CAMTA1: variants seen among roughly 807,000 people sequenced by gnomAD.
The protein encoded by CAMTA1 is calmodulin-binding transcription activator 1.
CAMTA1 carries 27 observed loss-of-function variants against 170.9 expected under a neutral mutation model. The observed-to-expected ratio is 0.16, with a 90% confidence interval of 0.12 to 0.22. The LOEUF is 0.22. Ranked by LOEUF, CAMTA1 falls within the 10% of genes least tolerant of loss-of-function variation. CAMTA1 has a pLI of 1.00. For missense variants in CAMTA1, 1,619 were observed against 2,217.2 expected, an observed-to-expected ratio of 0.73 and a Z score of 5.42; for synonymous variants, 833 against 891.5, an observed-to-expected ratio of 0.93 and a Z score of 1.17.
chr1:7,443,706 G>A lies in CAMTA1; in HGVS notation c.439-24124G>A, dbSNP rs1267028618. On this transcript the variant is annotated intron_variant, in intron 5 of 22. Transcript: ENST00000303635. The surrounding 1 kb of genome is among the most constrained non-coding windows in gnomAD (Gnocchi z 4.1). ...GCATTCTGGGTGAGCTGATGCCAGA[G>A]GTGGGTTTTGTAGATGTGGAGGTTT... 2.0e-5 allele frequency among the ~76,000 whole-genome samples: 3 copies of A among 152,188 alleles called. No individual in the cohort carries two copies. The highest frequency in any genetic ancestry group is 4.4e-5 in the Non-Finnish European group (3 of 68,032).
intron 6 of CAMTA1, among the ~76,000 whole-genome samples, chr1:7,506,564 A>G (rs1363603550): frequency 6.6e-6 from 1 of 152,050 alleles, no homozygotes; most frequent in Non-Finnish European, 1.5e-5. Flanking sequence ...TCACAAGCTC[A>G]CTCAAAATTC....
intron 3 of CAMTA1, among the ~76,000 whole-genome samples, chr1:6,848,731 CAGATGAT>C (rs1659255165): frequency 6.6e-6 from 1 of 152,134 alleles, no homozygotes; most frequent in Non-Finnish European, 1.5e-5. Context: ...ATTAAACTGA[CAGATGAT>C]AGATTAGCAA....
chr1:7,246,470 G>C (rs1227873448), intron 4 of CAMTA1, among the ~76,000 whole-genome samples: 2 of 152,058 alleles, frequency 1.3e-5, no homozygotes, highest in Non-Finnish European at 2.9e-5. Context: ...TGAAGCTTCT[G>C]TTATCCTGTC....
chr1:7,418,257 G>A (rs530214579), intron 5 of CAMTA1, among the ~76,000 whole-genome samples: 2 of 152,172 alleles, frequency 1.3e-5, no homozygotes, highest in Non-Finnish European at 2.9e-5. Context: ...GTGCAGTGGT[G>A]CAATCTCGGC....
intron 5 of CAMTA1, among the ~76,000 whole-genome samples, chr1:7,276,168 A>G (rs1670555590): frequency 6.9e-6 from 1 of 145,686 alleles, no homozygotes; most frequent in African/African-American, 2.6e-5. Context: ...AGAAAAAGAT[A>G]TAATTCCATA....
At chr1:7,569,220 C>T (rs1272459150) in intron 6 of CAMTA1, among the ~76,000 whole-genome samples, 1 of 150,262 alleles carries the variant, frequency 6.7e-6, no homozygotes, top group African/African-American at 2.5e-5. Flanking sequence ...TTACCACCAT[C>T]ATCCATCATC....
At position 7,741,939 on chromosome 1, in the gene CAMTA1, G is replaced by A. The variant is rs540987051; in HGVS notation, c.4183-2896G>A. Among the ~76,000 whole-genome samples the A allele has an allele frequency of 1.3e-3, 142 of 105,276 alleles. 1 individual carries two copies. The highest frequency in any genetic ancestry group is 4.2e-3 in the African/African-American group (132 of 31,754). The allele number at this position is 105,276 out of a possible 152,430, so 69.1% of individuals were successfully genotyped here. A position where few individuals can be genotyped will look rare whatever the true frequency, so the allele number is the denominator to read the frequency against. ...GGTGTGAGCCACCATGCCCGGCCTCGGGTTGTTTTTTTTTTTTTTTTTAAA... is the reference window on the plus strand; with the variant it reads ...GGTGTGAGCCACCATGCCCGGCCTCAGGTTGTTTTTTTTTTTTTTTTTAAA... On this transcript the variant is annotated intron_variant, in intron 16 of 22. Transcript: ENST00000303635.
At chr1:6,871,741 C>G (rs1571211524) in intron 3 of CAMTA1, 1 of 1,532,288 alleles carries the variant, frequency 6.5e-7, no homozygotes, top group East Asian at 2.5e-5. Context: ...CTTACTGGAG[C>G]TCCTTTGTTT....
intron 7 of CAMTA1, among the ~76,000 whole-genome samples, chr1:7,654,967 C>A (rs199878357): frequency 6.7e-6 from 1 of 149,808 alleles, no homozygotes; most frequent in African/African-American, 2.5e-5. Flanking sequence ...AACACACCCA[C>A]CTATACACAC....
intron 4 of CAMTA1, among the ~76,000 whole-genome samples, chr1:7,187,147 G>A (rs1315573622): frequency 1.3e-5 from 2 of 152,040 alleles, no homozygotes; most frequent in Admixed American, 6.6e-5. Context: ...GGGTGGGTGC[G>A]GGGGCATTTG....
chr1:7,109,936 ATCT>A (rs1643910979), intron 4 of CAMTA1, among the ~76,000 whole-genome samples: 5 of 152,322 alleles, frequency 3.3e-5, no homozygotes, highest in Non-Finnish European at 1.5e-5. Context: ...TTAGCCCCAC[ATCT>A]TCTGTTTGGT....
At chr1:6,790,114 C>G (rs753543128) in intron 1 of CAMTA1, among the ~76,000 whole-genome samples, 12 of 152,180 alleles carry the variant, frequency 7.9e-5, no homozygotes, top group Admixed American at 1.3e-4. Flanking sequence ...CAGGCGCAAG[C>G]TGCCACGCCT....
intron 6 of CAMTA1, among the ~76,000 whole-genome samples, chr1:7,529,257 T>C (rs951774706): frequency 2.6e-5 from 4 of 152,142 alleles, no homozygotes; most frequent in Non-Finnish European, 5.9e-5. Flanking sequence ...GCAGGCTTGC[T>C]CAAGGTCCCT....
intron 5 of CAMTA1, among the ~76,000 whole-genome samples, chr1:7,327,214 A>T (rs2082737388): frequency 1.3e-5 from 2 of 151,854 alleles, no homozygotes; most frequent in African/African-American, 4.8e-5. Context: ...CAGGAGATCG[A>T]GACCACGGTG....
chr1:6,917,577 C>T (rs1026670487), intron 3 of CAMTA1, among the ~76,000 whole-genome samples: 4 of 151,752 alleles, frequency 2.6e-5, no homozygotes, highest in Admixed American at 6.6e-5. Context: ...GGAAGGGAGG[C>T]GTTAAGGACA....
chr1:7,545,740 A>T (rs139248505), intron 6 of CAMTA1, among the ~76,000 whole-genome samples: 1 of 152,154 alleles, frequency 6.6e-6, no homozygotes, highest in East Asian at 1.9e-4. Flanking sequence ...GGTTTGTTAC[A>T]TAGGTAGACA....
chr1:7,573,011 C>T (rs547307705), intron 6 of CAMTA1, among the ~76,000 whole-genome samples: 2 of 152,352 alleles, frequency 1.3e-5, no homozygotes, highest in Admixed American at 6.5e-5. Context: ...TATGCCTGGC[C>T]TGTGTTCTAC....
Position 7,663,924 on chromosome 1 carries a change from C to T in CAMTA1, c.1377C>T (p.Asn459=), listed in dbSNP as rs146944529. ...SSESLSMLPT[N]VSEELVLSTT... ...AGAGCCTGTCCATGCTGCCCACCAA[C>T]GTGTCCGAAGAGCTGGTCCTCTCCA... Residue 459 remains asparagine, a synonymous_variant, in exon 9 of 23, where the codon AAC becomes AAT. Coordinates refer to ENST00000303635, the MANE Select transcript of CAMTA1 (RefSeq NM_015215.4). 420 of 1,613,916 alleles carry T rather than the reference C, an allele frequency of 2.6e-4. No homozygotes were observed. Among genetic ancestry groups the T allele is most frequent in the East Asian group, 1.1e-3 (49 of 44,872 alleles).
intron 3 of CAMTA1, among the ~76,000 whole-genome samples, chr1:7,056,824 A>C (rs1236514326): frequency 6.6e-6 from 1 of 152,196 alleles, no homozygotes. Context: ...ACAGGTGACC[A>C]GACACAGATA....
Sources: allele counts gnomAD v4.1 joint callset (sites outside exome capture counted in the v4.1 genomes callset), GRCh38; gene constraint gnomAD v4.1.1; non-coding constraint Gnocchi (gnomAD v3.1); transcripts MANE v1.5; gene names NCBI Gene and HGNC (gene_info 2026-07-23, HGNC 2026-07-21).